The following THRB variants were observed in gnomAD, a reference collection of about 807,000 sequenced individuals.
THRB encodes the protein nuclear receptor subfamily 1 group A member 2.
In THRB, 12 loss-of-function variants were observed where a neutral mutation model predicts 47.8. The observed-to-expected ratio is 0.25, with a 90% CI of 0.16 to 0.41. THRB has a LOEUF of 0.41. Ranked by LOEUF, THRB falls within the 10% of genes least tolerant of loss-of-function variation. THRB has a pLI of 1.00. For missense variants in THRB, 348 were observed against 589.2 expected (o/e 0.59, Z 4.24); for synonymous variants, 218 against 212.2 (o/e 1.03, Z -0.24).
intron 1 of THRB, among the ~76,000 whole-genome samples, chr3:24,379,217 T>C (rs1577200441): frequency 6.6e-6 from 1 of 152,282 alleles, no homozygotes; most frequent in South Asian, 2.1e-4. Context: ...CAAATTTGTA[T>C]AACTGTACCC....
intron 8 of THRB, among the ~76,000 whole-genome samples, chr3:24,138,233 G>T (rs945187159): frequency 2.6e-5 from 4 of 152,170 alleles, no homozygotes; most frequent in Non-Finnish European, 5.9e-5. Flanking sequence ...AGTGGGGCCA[G>T]ATGGGACTCT....
At chr3:24,283,948 A>T (rs1027199847) in intron 3 of THRB, among the ~76,000 whole-genome samples, 1 of 137,266 alleles carries the variant, frequency 7.3e-6, no homozygotes, top group Non-Finnish European at 1.6e-5. Flanking sequence ...AACAAATGGA[A>T]GAACATTCCA....
intron 4 of THRB, among the ~76,000 whole-genome samples, chr3:24,219,088 G>A (rs955914956): frequency 2.6e-5 from 4 of 152,054 alleles, no homozygotes; most frequent in African/African-American, 9.7e-5. Flanking sequence ...TCAACATGGT[G>A]AGACCCTGTC....
intron 4 of THRB, among the ~76,000 whole-genome samples, chr3:24,220,124 C>A (rs534343167): frequency 2.2e-4 from 34 of 152,292 alleles, no homozygotes; most frequent in Middle Eastern, 3.4e-3. Context: ...TAAAAGAATG[C>A]TGAGTCTTGG....
chr3:24,456,900 T>C (rs190955504), intron 1 of THRB, among the ~76,000 whole-genome samples: 24 of 150,416 alleles, frequency 1.6e-4, no homozygotes, highest in African/African-American at 6.0e-4. Context: ...TAATTTCTGA[T>C]TTTTTCATTC....
At chr3:24,302,885 A>G (rs2057050201) in intron 2 of THRB, among the ~76,000 whole-genome samples, 1 of 152,218 alleles carries the variant, frequency 6.6e-6, no homozygotes, top group Non-Finnish European at 1.5e-5. Context: ...TGTTTAATAA[A>G]TATTTGTTGA....
chr3:24,212,520 G>A (rs1017124139), intron 4 of THRB, among the ~76,000 whole-genome samples: 24 of 145,678 alleles, frequency 1.6e-4, no homozygotes, highest in Non-Finnish European at 7.5e-5. Flanking sequence ...GGAGGTTGCA[G>A]TGAGCTGAGA....
chr3:24,456,666 TATTA>T lies in THRB; in HGVS notation c.-261+37982_-261+37985del, dbSNP rs1336056716. ...TATTAAATTAAAATATAAAGATAAG[TATTA>T]ATTATCTTGTATAAGATAGTAAACA... On this transcript the variant is annotated intron_variant, in intron 1 of 10. Coordinates refer to ENST00000646209, the MANE Select transcript of THRB (RefSeq NM_001354712.2). 2.6e-5 allele frequency among the ~76,000 whole-genome samples: 4 copies of T among 150,966 alleles called. No individual in the cohort carries two copies. The South Asian group carries it at 6.2e-4, about 23-fold the overall frequency.
chr3:24,207,994 A>T (rs917807043), intron 4 of THRB, among the ~76,000 whole-genome samples: 45 of 152,334 alleles, frequency 3.0e-4, no homozygotes, highest in African/African-American at 9.1e-4. Flanking sequence ...CAACTTCAGC[A>T]AAGCCTCAGG....
At chr3:24,379,713 C>T (rs914888621) in intron 1 of THRB, among the ~76,000 whole-genome samples, 3 of 152,046 alleles carry the variant, frequency 2.0e-5, no homozygotes, top group African/African-American at 7.2e-5. Flanking sequence ...ATGCGTGACA[C>T]CTAAGCTTCA....
intron 3 of THRB, among the ~76,000 whole-genome samples, chr3:24,269,438 C>T (rs35351381): frequency 0.19 from 26,634 of 139,350 alleles, 2,537 homozygotes; most frequent in South Asian, 0.28. Context: ...CACACACACA[C>T]ACACTTAAGT....
chr3:24,491,478 G>T (rs1375219600), intron 1 of THRB, among the ~76,000 whole-genome samples: 8 of 152,174 alleles, frequency 5.3e-5, no homozygotes, highest in African/African-American at 1.9e-4. Flanking sequence ...ATTTGGTTCA[G>T]AATACTTTTA....
At chr3:24,184,304 T>G (rs1380593107) in intron 5 of THRB, among the ~76,000 whole-genome samples, 1 of 152,202 alleles carries the variant, frequency 6.6e-6, no homozygotes, top group African/African-American at 2.4e-5. Context: ...TTGAACAGAC[T>G]TGTGCCCTGT....
At chr3:24,465,745 T>A (rs1029771622) in intron 1 of THRB, among the ~76,000 whole-genome samples, 2 of 152,188 alleles carry the variant, frequency 1.3e-5, no homozygotes, top group African/African-American at 4.8e-5. Flanking sequence ...CCTGGCTGTA[T>A]GCTAGTTGAT....
intron 1 of THRB, among the ~76,000 whole-genome samples, chr3:24,406,585 A>G (rs2067845577): frequency 6.7e-6 from 1 of 148,436 alleles, no homozygotes; most frequent in African/African-American, 2.5e-5. Flanking sequence ...AGGGTTTGGT[A>G]TCATCTTTGT....
intron 3 of THRB, among the ~76,000 whole-genome samples, chr3:24,269,688 A>G (rs2053124738): frequency 6.7e-6 from 1 of 149,780 alleles, no homozygotes; most frequent in East Asian, 2.0e-4. Flanking sequence ...CTCCCACCTC[A>G]GCCTCCCAAA....
At chr3:24,253,384 G>A (rs1476023033) in intron 3 of THRB, among the ~76,000 whole-genome samples, 1 of 152,158 alleles carries the variant, frequency 6.6e-6, no homozygotes, top group Non-Finnish European at 1.5e-5. Context: ...TGGAGATACA[G>A]CATTGAACAA....
At chr3:24,328,691 C>G (rs774938312) in intron 2 of THRB, among the ~76,000 whole-genome samples, 8 of 152,180 alleles carry the variant, frequency 5.3e-5, no homozygotes, top group Non-Finnish European at 1.0e-4. Context: ...TAGCGCAGCC[C>G]TCACCATTTT....
chr3:24,207,750 G>A (rs1489993624), intron 4 of THRB, among the ~76,000 whole-genome samples: 1 of 152,184 alleles, frequency 6.6e-6, no homozygotes, highest in Non-Finnish European at 1.5e-5. Context: ...TACTGAATGG[G>A]CAAAAACTGG....
Sources: allele counts gnomAD v4.1 joint callset (sites outside exome capture counted in the v4.1 genomes callset), GRCh38; gene constraint gnomAD v4.1.1; transcripts MANE v1.5; gene names NCBI Gene and HGNC (gene_info 2026-07-23, HGNC 2026-07-21).